The following ELMO1 variants were observed in gnomAD, a reference collection of about 807,000 sequenced individuals.
ELMO1 encodes engulfment and cell motility 1.
ELMO1 carries 26 observed loss-of-function variants against 98.9 expected under a neutral mutation model. The ratio of observed to expected loss-of-function variants is 0.26; its 90% CI spans 0.19 to 0.36. The LOEUF (loss-of-function observed/expected upper bound fraction) is 0.36. Among genes scored for constraint, ELMO1 ranks in the 10% least tolerant of loss-of-function variants. The probability of loss-of-function intolerance (pLI) is 1.00; values close to 1 mark genes in which losing one functional copy is unlikely to be tolerated. For synonymous variants in ELMO1, 346 were observed against 346.0 expected, an observed-to-expected ratio of 1.00 and a Z score of 0.00; for missense variants, 627 against 935.2, an observed-to-expected ratio of 0.67 and a Z score of 4.30.
chr7:36,901,967 C>T (rs562228014), intron 16 of ELMO1, among the ~76,000 whole-genome samples: 5 of 152,280 alleles, frequency 3.3e-5, no homozygotes, highest in South Asian at 2.1e-4. Flanking sequence ...ATGGTATTCT[C>T]GACTCTGCCT....
At chr7:37,208,258 G>T (rs1016073942) in intron 13 of ELMO1, among the ~76,000 whole-genome samples, 1 of 152,184 alleles carries the variant, frequency 6.6e-6, no homozygotes, top group Admixed American at 6.5e-5. Flanking sequence ...AAAAGATGCT[G>T]CCCAGTTTCA....
intron 1 of ELMO1, among the ~76,000 whole-genome samples, chr7:37,433,870 C>T (rs1386168142): frequency 2.6e-5 from 4 of 152,110 alleles, no homozygotes; most frequent in East Asian, 3.9e-4. Flanking sequence ...TACAGAGGGG[C>T]TTCTCATCTC....
intron 1 of ELMO1, among the ~76,000 whole-genome samples, chr7:37,369,015 A>G (rs1802008460): frequency 6.6e-6 from 1 of 152,228 alleles, no homozygotes; most frequent in South Asian, 2.1e-4. Flanking sequence ...ATTTTACAAG[A>G]TATTTCTGTA....
chr7:37,096,575 G>T (rs755475160), intron 15 of ELMO1, 44 bp downstream of exon 15: 2 of 1,548,892 alleles, frequency 1.3e-6, no homozygotes, highest in Non-Finnish European at 1.8e-6. Context: ...TGGAAGCTGG[G>T]ACTCTGCCAG....
At chr7:36,952,916 C>T (rs1788095112) in intron 16 of ELMO1, among the ~76,000 whole-genome samples, 2 of 148,066 alleles carry the variant, frequency 1.4e-5, no homozygotes, top group South Asian at 4.3e-4. Flanking sequence ...ACTCTCAAGA[C>T]ATTTCAATAT....
chr7:37,103,262 A>C (rs181413435), intron 14 of ELMO1, among the ~76,000 whole-genome samples: 1 of 152,334 alleles, frequency 6.6e-6, no homozygotes, highest in East Asian at 1.9e-4. Context: ...GACAGAAAAC[A>C]AAACATGGTT....
intron 13 of ELMO1, among the ~76,000 whole-genome samples, chr7:37,149,668 C>T: frequency 6.6e-6 from 1 of 152,110 alleles, no homozygotes; most frequent in Non-Finnish European, 1.5e-5. Flanking sequence ...GCTCACAAAA[C>T]TTAAAAATAT....
In ELMO1 at chr7:37,292,120, G is replaced by C. The variant is rs190836217; in HGVS notation, c.193-20238C>G. ...GCACCGCCACGCCTGACTGGTTTTCGTATTTTTTTGGTGGAGATGGGGATT... is the reference window on the plus strand; with the variant it reads ...GCACCGCCACGCCTGACTGGTTTTCCTATTTTTTTGGTGGAGATGGGGATT... On this transcript the variant is annotated intron_variant, in intron 4 of 21. Transcript: ENST00000310758. Among the ~76,000 whole-genome samples the C allele has an allele frequency of 6.3e-3, 786 of 125,008 alleles. 89 individuals are homozygous for C. Among genetic ancestry groups the C allele is most frequent in the African/African-American group, 0.02 (769 of 38,032 alleles). The allele number at this position is 125,008 out of a possible 152,430, so 82.0% of individuals were successfully genotyped here. A position where few individuals can be genotyped will look rare whatever the true frequency, so the allele number is the denominator to read the frequency against.
At chr7:37,153,616 G>A (rs192773181) in intron 13 of ELMO1, among the ~76,000 whole-genome samples, 27 of 152,134 alleles carry the variant, frequency 1.8e-4, no homozygotes, top group East Asian at 1.7e-3. Flanking sequence ...TTGAGTAGGC[G>A]GTTCTATGTT....
chr7:37,086,096 T>C (rs549548912), intron 15 of ELMO1, among the ~76,000 whole-genome samples: 2 of 152,314 alleles, frequency 1.3e-5, no homozygotes, highest in African/African-American at 4.8e-5. Flanking sequence ...AGCCAGGCTC[T>C]GGACACCACT....
intron 1 of ELMO1, among the ~76,000 whole-genome samples, chr7:37,401,360 A>G (rs574151471): frequency 5.3e-5 from 8 of 152,314 alleles, no homozygotes; most frequent in South Asian, 2.1e-4. Context: ...GGTCACTCTT[A>G]CCTTCCCCTC....
chr7:36,881,628 G>A (rs1804467957), intron 18 of ELMO1, among the ~76,000 whole-genome samples: 1 of 152,116 alleles, frequency 6.6e-6, no homozygotes, highest in Admixed American at 6.6e-5. Flanking sequence ...CAAAATACAG[G>A]GAGAATTTCG....
At chr7:37,166,144 C>T (rs1346501476) in intron 13 of ELMO1, among the ~76,000 whole-genome samples, 1 of 152,172 alleles carries the variant, frequency 6.6e-6, no homozygotes, top group Non-Finnish European at 1.5e-5. Context: ...TTGTAGTAAT[C>T]TCTGATGGTA....
At chr7:37,270,671 G>A (rs528251264) in intron 5 of ELMO1, 1 of 152,192 alleles carries the variant, frequency 6.6e-6, no homozygotes, top group African/African-American at 2.4e-5. Context: ...CAAGCAAGTA[G>A]GAAAGACCAA....
chr7:37,338,292 T>C (rs1321510863), intron 2 of ELMO1, among the ~76,000 whole-genome samples: 1 of 152,188 alleles, frequency 6.6e-6, no homozygotes, highest in Non-Finnish European at 1.5e-5. Context: ...ATGGTCTGAA[T>C]GTTTGTGTCT....
chr7:37,103,177 G>T (rs1349966457), intron 14 of ELMO1, among the ~76,000 whole-genome samples: 1 of 152,110 alleles, frequency 6.6e-6, no homozygotes, highest in African/African-American at 2.4e-5. Flanking sequence ...TTACATAAAC[G>T]CTTGTTCCAA....
chr7:36,913,817 G>GAGGAT (rs1195010168), intron 16 of ELMO1, among the ~76,000 whole-genome samples: 1 of 152,174 alleles, frequency 6.6e-6, no homozygotes, highest in Non-Finnish European at 1.5e-5. Flanking sequence ...AAAGCATGTG[G>GAGGAT]TCCTAGCTAG....
Position 37,213,346 on chromosome 7 carries a change from G to A in ELMO1, c.943C>T (p.Pro315Ser). The change falls in exon 12 of 22, where the codon CCC becomes TCC. Residue 315 changes from proline to serine, a missense_variant. Coordinates refer to ENST00000310758, the MANE Select transcript of ELMO1 (RefSeq NM_014800.11). ...LEDRMMTKMD[P>S]QDQAQRDIIF... ...CAATGAGCACTCACCTGGTCCTGGG[G>A]GTCCATTTTGGTCATCATCCTGTCT... 1.2e-6 allele frequency: 2 copies of A among 1,612,816 alleles called. No homozygotes were observed. The highest frequency in any genetic ancestry group is 8.5e-7 in the Non-Finnish European group (1 of 1,179,648).
intron 1 of ELMO1, chr7:37,393,950 G>A (rs1224488838): frequency 1.3e-5 from 2 of 152,204 alleles, no homozygotes; most frequent in African/African-American, 4.8e-5. Flanking sequence ...AAGGAGAGAT[G>A]ATATGGTTTG....
Sources: allele counts gnomAD v4.1 joint callset (sites outside exome capture counted in the v4.1 genomes callset), GRCh38; gene constraint gnomAD v4.1.1; transcripts MANE v1.5; gene names NCBI Gene and HGNC (gene_info 2026-07-23, HGNC 2026-07-21).